Variants in TAOK2 observed in about 807,000 individuals in gnomAD.
The protein encoded by TAOK2 is serine/threonine-protein kinase TAO2.
A neutral mutation model predicts 122.5 loss-of-function variants in TAOK2; 42 were observed. That is an observed-to-expected ratio of 0.34 (90% CI 0.27 to 0.44). The LOEUF is 0.44. TAOK2 is among the 20% of genes least tolerant of loss of function. The pLI is 1.00. For synonymous variants in TAOK2, 704 were observed against 677.6 expected, an observed-to-expected ratio of 1.04 and a Z score of -0.61; for missense variants, 1,264 against 1,644.9, an observed-to-expected ratio of 0.77 and a Z score of 4.01.
chr16:29,984,805 C>T (rs1276524686), intron 13 of TAOK2, among the ~76,000 whole-genome samples: 2 of 152,138 alleles, frequency 1.3e-5, no homozygotes, highest in African/African-American at 2.4e-5. Flanking sequence ...TCCGAACTTA[C>T]CCCACAGCCC....
chr16:29,983,695 C>G (rs149241822), intron 13 of TAOK2, 31 bp downstream of exon 13: 6 of 1,583,270 alleles, frequency 3.8e-6, no homozygotes, highest in African/African-American at 1.3e-5. Flanking sequence ...TCAGCCTGCT[C>G]GCTGTCTGTT....
At position 29,979,225 on chromosome 16, in the gene TAOK2, A is replaced by C; in HGVS notation, c.480A>C (p.Ser160=). The C allele has an allele frequency of 6.2e-7, 1 of 1,614,208 alleles. No homozygotes were observed. The highest frequency in any genetic ancestry group is 8.5e-7 in the Non-Finnish European group (1 of 1,180,024). Residue 160 remains serine, a synonymous_variant, in exon 7 of 16, where the codon TCA becomes TCC. Coordinates refer to ENST00000308893, the MANE Select transcript of TAOK2 (RefSeq NM_016151.4). The surrounding 1 kb of genome is among the most constrained non-coding windows in gnomAD (Gnocchi z 4.1). ...TGAAGGCTGGAAACATCCTGCTGTC[A>C]GAGCCAGGGTTAGTGAAGCTAGGGG... The part of the protein sequence containing the change: ...RDVKAGNILL[S]EPGLVKLGDF...
Position 29,979,477 on chromosome 16 carries a change from C to G in TAOK2, c.624C>G (p.Val208=), listed in dbSNP as rs554129882. The change falls in exon 8 of 16, where the codon GTC becomes GTG. Residue 208 remains valine, a synonymous_variant. Transcript: ENST00000308893. This position sits in a 1 kb window ranked among gnomAD's most constrained non-coding sequence, Gnocchi z 4.1. ...DEGQYDGKVD[V]WSLGITCIEL... ...GGCAGTACGATGGCAAAGTGGACGTCTGGTCCTTGGGGATAACCTGCATCG... is the reference window on the plus strand; with the variant it reads ...GGCAGTACGATGGCAAAGTGGACGTGTGGTCCTTGGGGATAACCTGCATCG... 217 of 1,565,784 alleles carry G rather than the reference C, an allele frequency of 1.4e-4. 1 individual carries two copies. The South Asian group carries it at 2.4e-3, about 17-fold the overall frequency.
chr16:29,986,768 G>C lies in TAOK2; in HGVS notation c.2496G>C (p.Gly832=). The C allele has an allele frequency of 6.2e-7, 1 of 1,613,854 alleles. No homozygotes were observed. The highest frequency in any genetic ancestry group is 8.5e-7 in the Non-Finnish European group (1 of 1,179,918). The part of the protein sequence containing the change: ...GAPSPSPQKH[G]SLVDEEVWGL... Reference sequence around the variant, plus strand: ...CTAGTCCCAGTCCACAAAAACATGGGAGCCTGGTTGATGAGGAAGTTTGGG... The same window carrying C: ...CTAGTCCCAGTCCACAAAAACATGGCAGCCTGGTTGATGAGGAAGTTTGGG... Residue 832 remains glycine, a synonymous_variant, in exon 16 of 16, where the codon GGG becomes GGC. Transcript: ENST00000308893. The surrounding 1 kb of genome is among the most constrained non-coding windows in gnomAD (Gnocchi z 4.2).
chr16:29,978,769 T>G (rs1400947209), intron 4 of TAOK2, 30 bp from the exon 5 acceptor site: 1 of 1,613,884 alleles, frequency 6.2e-7, no homozygotes. Flanking sequence ...CCCAGGAGAC[T>G]CTGATCTCTG....
chr16:29,975,225 T>C (rs1001279316), intron 1 of TAOK2, among the ~76,000 whole-genome samples: 1 of 152,198 alleles, frequency 6.6e-6, no homozygotes, highest in African/African-American at 2.4e-5. Flanking sequence ...CATCCATTTG[T>C]CAAACGATCT....
rs1257836650 is a variant in TAOK2 at position 29,979,341 on chromosome 16, C to T, written c.563+33C>T. Reference sequence around the variant, plus strand: ...AGTGAGTGGTGGTGAGTGGAGAGACCTCCCAGGGATGTTGGGAGTAGGAGT... The same window carrying T: ...AGTGAGTGGTGGTGAGTGGAGAGACTTCCCAGGGATGTTGGGAGTAGGAGT... On this transcript the variant is annotated intron_variant, in intron 7 of 15. Transcript: ENST00000308893. The surrounding 1 kb of genome is among the most constrained non-coding windows in gnomAD (Gnocchi z 4.1). The T allele has an allele frequency of 1.2e-6, 2 of 1,612,400 alleles. No homozygotes were observed. The highest frequency in any genetic ancestry group is 1.7e-6 in the Non-Finnish European group (2 of 1,178,730).
At chr16:29,977,646 T>G in intron 1 of TAOK2, 92 bp from the exon 2 acceptor site, 2 of 1,159,366 alleles carry the variant, frequency 1.7e-6, no homozygotes, top group Non-Finnish European at 2.4e-6. Context: ...CATCAGGGAA[T>G]GAGGGGAGGA....
At position 29,986,308 on chromosome 16, in the gene TAOK2, T is replaced by G; in HGVS notation, c.2036T>G (p.Leu679Arg). ...KQTQKDLECA[L>R]LLRQHEATRE... ...ACCCAGAAGGACTTGGAGTGTGCAC[T>G]GCTGCTTCGGCAGCACGAGGCCACG... The change falls in exon 16 of 16, where the codon CTG becomes CGG. Residue 679 changes from leucine (L) to arginine (R), a missense_variant. Transcript: ENST00000308893. This position sits in a 1 kb window ranked among gnomAD's most constrained non-coding sequence, Gnocchi z 4.2. 6.4e-7 allele frequency: 1 copy of G among 1,554,844 alleles called. No homozygotes were observed. The highest frequency in any genetic ancestry group is 8.7e-7 in the Non-Finnish European group (1 of 1,149,574).
At chr16:29,980,289 G>A (rs1410404860) in intron 8 of TAOK2, 1 of 152,192 alleles carries the variant, frequency 6.6e-6, no homozygotes, top group African/African-American at 2.4e-5. Context: ...CAAAACAGTT[G>A]CCTAAGAGTT....
chr16:29,991,397 C>T (rs773291953), downstream of TAOK2: 11 of 1,560,138 alleles, frequency 7.1e-6, no homozygotes, highest in Admixed American at 5.7e-5. The surrounding 1 kb of genome is among the most constrained non-coding windows in gnomAD (Gnocchi z 5.6). Flanking sequence ...CACCCCGTGG[C>T]GGAGCCCTGC....
chr16:29,987,324 C>G lies in TAOK2; in HGVS notation c.3052C>G (p.Leu1018Val), dbSNP rs1483843891. ...CCTGCACCTGCCCTCCAGTCTTTTC[C>G]TACTCCTGGCCCAGGGTACCGCACT... Reference protein sequence around the residue: ...TALHLPSSLFLLLAQGTALGA... With the variant: ...TALHLPSSLFVLLAQGTALGA... The change falls in exon 16 of 16, where the codon CTA becomes GTA. Residue 1018 changes from leucine (L) to valine (V), a missense_variant. By Grantham distance (32) the Leu-to-Val change is conservative (BLOSUM62 1). This residue lies in a region of TAOK2 where 824 missense variants were observed against 908.7 expected (regional missense o/e 0.91). Transcript: ENST00000308893. 2 of 1,527,936 alleles carry G rather than the reference C, an allele frequency of 1.3e-6. No individual in the cohort carries two copies. Among genetic ancestry groups the G allele is most frequent in the South Asian group, 1.3e-5 (1 of 76,648 alleles). The allele number at this position is 1,527,936 out of a possible 1,614,324, so 94.6% of individuals were successfully genotyped here. A position where few individuals can be genotyped will look rare whatever the true frequency, so the allele number is the denominator to read the frequency against.
intron 1 of TAOK2, among the ~76,000 whole-genome samples, chr16:29,976,578 G>T (rs1235749634): frequency 1.3e-5 from 2 of 152,236 alleles, no homozygotes; most frequent in African/African-American, 4.8e-5. Context: ...TTAGGCTGGA[G>T]CCTGTCTTGG....
downstream of TAOK2, chr16:29,988,653 T>C: frequency 1.0e-6 from 1 of 985,464 alleles, no homozygotes; most frequent in Non-Finnish European, 1.2e-6. Flanking sequence ...TGCGGGTTCC[T>C]TCCAGAGGTC....
downstream of TAOK2, chr16:29,991,456 G>T (rs991481725): frequency 1.3e-6 from 2 of 1,501,168 alleles, no homozygotes; most frequent in Non-Finnish European, 1.8e-6. The surrounding 1 kb of genome is among the most constrained non-coding windows in gnomAD (Gnocchi z 5.6). Context: ...GCCTCGGGGG[G>T]CAGTGGCAGT....
chr16:29,990,894 G>C (rs767841918), downstream of TAOK2: 7 of 1,613,706 alleles, frequency 4.3e-6, no homozygotes, highest in African/African-American at 1.3e-5. Context: ...TCCGCACAGA[G>C]AGCCAGCACG....
Position 29,979,102 on chromosome 16 carries a change from G to A in TAOK2, c.449+32G>A. On this transcript the variant is annotated intron_variant, in intron 6 of 15. Coordinates refer to ENST00000308893, the MANE Select transcript of TAOK2 (RefSeq NM_016151.4). This position sits in a 1 kb window ranked among gnomAD's most constrained non-coding sequence, Gnocchi z 4.1. The stretch of plus-strand genomic sequence containing the variant: ...GCAGCACCGGCAGTGCCTGGGAGGG[G>A]AGTGCTATCTGCACCACCTGTCACT... 2 of 1,612,804 alleles carry A rather than the reference G, an allele frequency of 1.2e-6. No homozygotes were observed. The highest frequency in any genetic ancestry group is 1.1e-5 in the South Asian group (1 of 91,054).
Position 29,988,183 on chromosome 16 carries a change from G to C in TAOK2, c.*203G>C. The C allele has an allele frequency of 2.8e-6, 4 of 1,431,644 alleles. No individual in the cohort carries two copies. The highest frequency in any genetic ancestry group is 3.6e-6 in the Non-Finnish European group (4 of 1,098,382). The allele number at this position is 1,431,644 out of a possible 1,614,324, so 88.7% of individuals were successfully genotyped here. A position where few individuals can be genotyped will look rare whatever the true frequency, so the allele number is the denominator to read the frequency against. On this transcript the variant is annotated 3_prime_UTR_variant, in exon 16 of 16. Transcript: ENST00000308893. ...AGCAGTCACTCTGTGTTCTCCTGGCGCTCCTCCCCTAAGTTATTGCTGTTC... is the reference window on the plus strand; with the variant it reads ...AGCAGTCACTCTGTGTTCTCCTGGCCCTCCTCCCCTAAGTTATTGCTGTTC...
At chr16:29,982,642 G>C in intron 10 of TAOK2, 92 bp from the exon 11 acceptor site, 1 of 1,517,792 alleles carries the variant, frequency 6.6e-7, no homozygotes, top group Non-Finnish European at 8.9e-7. Flanking sequence ...GTGGGCCCCA[G>C]AAGAGTGCCT....
Sources: allele counts gnomAD v4.1 joint callset (sites outside exome capture counted in the v4.1 genomes callset), GRCh38; gene constraint gnomAD v4.1.1; regional missense constraint gnomAD v4.1.1; non-coding constraint Gnocchi (gnomAD v3.1); transcripts MANE v1.5; gene names NCBI Gene and HGNC (gene_info 2026-07-23, HGNC 2026-07-21).